The following QTMAN variants were observed in gnomAD, a reference collection of about 807,000 sequenced individuals.
QTMAN encodes the protein tRNA-queuosine alpha-mannosyltransferase.
chr2:144,255,167 G>A, the QTMAN span, among the ~76,000 whole-genome samples: 1 of 152,160 alleles, frequency 6.6e-6, no homozygotes, highest in South Asian at 2.1e-4. Context: ...GAGGATAGAA[G>A]ATTTGGGAGG....
the QTMAN span, among the ~76,000 whole-genome samples, chr2:144,203,679 A>G: frequency 3.9e-5 from 6 of 152,212 alleles, no homozygotes; most frequent in East Asian, 9.6e-4. Context: ...GCCTCCAACA[A>G]GAATCAAGAA....
the QTMAN span, chr2:144,007,638 A>G: frequency 1.4e-6 from 1 of 689,760 alleles, no homozygotes; most frequent in Non-Finnish European, 2.2e-6. Context: ...TAAAACTGAG[A>G]AAAAATAAAG....
the QTMAN span, among the ~76,000 whole-genome samples, chr2:144,007,785 C>A: frequency 1.4e-3 from 209 of 152,144 alleles, 2 homozygotes; most frequent in African/African-American, 4.7e-3. Context: ...ACTGCACATA[C>A]CATAAAACAT....
At chr2:144,251,694 A>G in the QTMAN span, among the ~76,000 whole-genome samples, 4 of 152,274 alleles carry the variant, frequency 2.6e-5, no homozygotes, top group African/African-American at 9.6e-5. Flanking sequence ...TAACACCAAA[A>G]ACATGATCCA....
chr2:144,311,770 T>G, the QTMAN span, among the ~76,000 whole-genome samples: 3 of 152,212 alleles, frequency 2.0e-5, no homozygotes, highest in African/African-American at 7.2e-5. Context: ...CCCATAGTAC[T>G]GCCACTTACA....
chr2:144,133,236 T>A, the QTMAN span, among the ~76,000 whole-genome samples: 10 of 66,664 alleles, frequency 1.5e-4, no homozygotes, highest in South Asian at 3.6e-4. Flanking sequence ...TATATTTATA[T>A]TTATATATAA....
chr2:143,945,928 G>A, the QTMAN span: 1 of 152,182 alleles, frequency 6.6e-6, no homozygotes, highest in South Asian at 2.1e-4. Context: ...AGAAACAATT[G>A]TATTTGTTGT....
the QTMAN span, among the ~76,000 whole-genome samples, chr2:144,025,387 G>C: frequency 6.6e-6 from 1 of 152,128 alleles, no homozygotes; most frequent in Non-Finnish European, 1.5e-5. Flanking sequence ...AGATTCTGAA[G>C]GTAGGATACT....
chr2:144,140,621 G>A, the QTMAN span, among the ~76,000 whole-genome samples: 12 of 152,042 alleles, frequency 7.9e-5, no homozygotes, highest in East Asian at 1.9e-4. Context: ...CTTTGTGATC[G>A]TGGCTCCACT....
chr2:144,297,190 C>T, the QTMAN span, among the ~76,000 whole-genome samples: 1 of 152,238 alleles, frequency 6.6e-6, no homozygotes, highest in Admixed American at 6.5e-5. Context: ...TAGTGAACCA[C>T]CATCACCCAG....
the QTMAN span, among the ~76,000 whole-genome samples, chr2:144,072,568 G>A: frequency 6.6e-6 from 1 of 152,198 alleles, no homozygotes; most frequent in Non-Finnish European, 1.5e-5. Flanking sequence ...ACAGTTCTAA[G>A]TCAGGCAGGG....
chr2:144,121,538 T>C, the QTMAN span, among the ~76,000 whole-genome samples: 1 of 152,070 alleles, frequency 6.6e-6, no homozygotes, highest in South Asian at 2.1e-4. Context: ...TACCATACAC[T>C]ACCCTCTGGT....
chr2:144,008,201 C>T, the QTMAN span, among the ~76,000 whole-genome samples: 1 of 152,068 alleles, frequency 6.6e-6, no homozygotes, highest in Non-Finnish European at 1.5e-5. Context: ...GAGGGGCTAT[C>T]CTCAAGGAGC....
At chr2:144,282,350 G>A in the QTMAN span, among the ~76,000 whole-genome samples, 85 of 148,470 alleles carry the variant, frequency 5.7e-4, no homozygotes, top group Middle Eastern at 3.6e-3. Flanking sequence ...ATATAATATT[G>A]GTGAAATATT....
At chr2:144,117,229 C>T in the QTMAN span, among the ~76,000 whole-genome samples, 2 of 152,192 alleles carry the variant, frequency 1.3e-5, no homozygotes, top group Non-Finnish European at 1.5e-5. Flanking sequence ...AGTAGATTAG[C>T]ATTTTCCACT....
At chr2:144,092,019 G>T in the QTMAN span, among the ~76,000 whole-genome samples, 1 of 152,114 alleles carries the variant, frequency 6.6e-6, no homozygotes, top group South Asian at 2.1e-4. Flanking sequence ...CAGTGCCAGA[G>T]AATGTGAATT....
chr2:144,099,929 G>A, the QTMAN span, among the ~76,000 whole-genome samples: 12 of 152,298 alleles, frequency 7.9e-5, no homozygotes, highest in East Asian at 1.5e-3. Flanking sequence ...AGTGTAAGCC[G>A]TGACTCAGCT....
the QTMAN span, among the ~76,000 whole-genome samples, chr2:143,991,602 G>T: frequency 6.7e-6 from 1 of 148,420 alleles, no homozygotes; most frequent in East Asian, 2.1e-4. Flanking sequence ...TCGTCCGGGA[G>T]GTGAGGGGCG....
At chr2:144,296,761 A>G in the QTMAN span, among the ~76,000 whole-genome samples, 1 of 152,156 alleles carries the variant, frequency 6.6e-6, no homozygotes, top group Non-Finnish European at 1.5e-5. Flanking sequence ...TTTGGTCCCA[A>G]CATGAACTTT....
Sources: allele counts gnomAD v4.1 joint callset (sites outside exome capture counted in the v4.1 genomes callset), GRCh38; gene constraint gnomAD v4.1.1; transcripts MANE v1.5; gene names NCBI Gene and HGNC (gene_info 2026-07-23, HGNC 2026-07-21).